Variants in C10orf143 observed in about 807,000 individuals in gnomAD.
The protein encoded by C10orf143 is chromosome 10 open reading frame 143, also known as uncharacterized protein C10orf143.
rs1246478444 is a variant in C10orf143 at position 130,065,585 on chromosome 10, T to G, written c.298-1202A>C. The G allele has an allele frequency of 6.6e-6, 1 of 152,196 alleles. No homozygotes were observed. Among genetic ancestry groups the G allele is most frequent in the Non-Finnish European group, 1.5e-5 (1 of 68,064 alleles). The allele number at this position is 152,196 out of a possible 1,614,324, so 9.4% of individuals were successfully genotyped here. A position where few individuals can be genotyped will look rare whatever the true frequency, so the allele number is the denominator to read the frequency against. ...GAAGGGCCCTGGATGCCATGGTGAA[T>G]ACAGGTGCTGCATTTACTCAACAGG... On this transcript the variant is annotated intron_variant, in intron 3 of 3. Coordinates refer to ENST00000637128, the MANE Select transcript of C10orf143 (RefSeq NM_001355042.2). This position sits in a 1 kb window ranked among gnomAD's most constrained non-coding sequence, Gnocchi z 4.2.
intron 1 of C10orf143, among the ~76,000 whole-genome samples, chr10:130,087,670 A>T (rs907179861): frequency 9.2e-5 from 14 of 152,188 alleles, no homozygotes; most frequent in African/African-American, 2.9e-4. Flanking sequence ...TATAAGGGAT[A>T]GGGGGTTGAA....
intron 3 of C10orf143, among the ~76,000 whole-genome samples, chr10:130,070,468 T>C (rs1861012575): frequency 6.6e-6 from 1 of 151,920 alleles, no homozygotes; most frequent in African/African-American, 2.4e-5. Flanking sequence ...GCTTAGCCAG[T>C]CATTTCTCTC....
intron 1 of C10orf143, chr10:130,104,830 C>T (rs976468003): frequency 1.3e-5 from 2 of 152,194 alleles, no homozygotes; most frequent in South Asian, 2.1e-4. Context: ...CAATAATGAC[C>T]TCTGGCTCCC....
chr10:130,069,364 T>A (rs1022983932), intron 3 of C10orf143, among the ~76,000 whole-genome samples: 1 of 152,150 alleles, frequency 6.6e-6, no homozygotes, highest in Non-Finnish European at 1.5e-5. Context: ...GATAGAGAAA[T>A]TAAGACATCC....
chr10:130,073,370 C>A (rs761273428), intron 3 of C10orf143, among the ~76,000 whole-genome samples: 1 of 152,160 alleles, frequency 6.6e-6, no homozygotes, highest in Non-Finnish European at 1.5e-5. Context: ...TTTCCAGTCC[C>A]CTTTTAGGGT....
Position 130,074,971 on chromosome 10 carries a change from C to G in C10orf143, c.297+4595G>C, listed in dbSNP as rs139371003. On this transcript the variant is annotated intron_variant, in intron 3 of 3. Coordinates refer to ENST00000637128, the MANE Select transcript of C10orf143 (RefSeq NM_001355042.2). Reference sequence around the variant, plus strand: ...CACTACATATGTACACAGACACACACATGCACACACACCATATATACCACA... The same window carrying G: ...CACTACATATGTACACAGACACACAGATGCACACACACCATATATACCACA... Among the ~76,000 whole-genome samples, 7 of 152,144 alleles carry G rather than the reference C, an allele frequency of 4.6e-5. No homozygotes were observed. The East Asian group carries it at 1.4e-3, about 29-fold the overall frequency.
chr10:130,101,737 G>A (rs1861553970), intron 1 of C10orf143, among the ~76,000 whole-genome samples: 1 of 150,786 alleles, frequency 6.6e-6, no homozygotes, highest in Non-Finnish European at 1.5e-5. Context: ...GCAAGCATCT[G>A]TAGTCCCAGC....
chr10:130,064,546 A>G (rs1360325834), intron 3 of C10orf143, among the ~76,000 whole-genome samples, 163 bp from the exon 4 acceptor site: 1 of 152,042 alleles, frequency 6.6e-6, no homozygotes, highest in Non-Finnish European at 1.5e-5. Flanking sequence ...ATATTAATAT[A>G]TATTACATTA....
chr10:130,049,571 G>A (rs1860714012), intron 3 of C10orf143, among the ~76,000 whole-genome samples: 1 of 152,200 alleles, frequency 6.6e-6, no homozygotes, highest in Non-Finnish European at 1.5e-5. Context: ...GGGGCTTGGG[G>A]ACCGGAGCCC....
intron 1 of C10orf143, chr10:130,106,047 T>C: frequency 1.8e-6 from 1 of 549,510 alleles, no homozygotes; most frequent in South Asian, 1.5e-5. Context: ...CTTGGCGCTA[T>C]GTTGGAGCCA....
At chr10:130,105,829 A>G (rs1363514760) in intron 1 of C10orf143, among the ~76,000 whole-genome samples, 1 of 152,164 alleles carries the variant, frequency 6.6e-6, no homozygotes, top group Non-Finnish European at 1.5e-5. Flanking sequence ...CGCGGGTCCA[A>G]CATGTGCTAC....
chr10:130,044,015 G>A (rs1438251696), intron 3 of C10orf143, among the ~76,000 whole-genome samples: 1 of 152,040 alleles, frequency 6.6e-6, no homozygotes, highest in Non-Finnish European at 1.5e-5. Flanking sequence ...GAGAGAGAGA[G>A]AGAAAGAGAG....
chr10:130,048,060 T>G (rs1267251821), intron 3 of C10orf143, among the ~76,000 whole-genome samples: 10 of 152,236 alleles, frequency 6.6e-5, no homozygotes. Context: ...ATCACAGGAC[T>G]TCATCCCAGT....
At chr10:130,093,615 A>G (rs980117763) in intron 1 of C10orf143, among the ~76,000 whole-genome samples, 7 of 152,190 alleles carry the variant, frequency 4.6e-5, no homozygotes, top group Non-Finnish European at 1.0e-4. Flanking sequence ...AAAAAAATCA[A>G]TGAATCCAGG....
chr10:130,069,009 G>A (rs931012690), intron 3 of C10orf143, among the ~76,000 whole-genome samples: 26 of 152,134 alleles, frequency 1.7e-4, no homozygotes, highest in Admixed American at 1.4e-3. Flanking sequence ...CAAAGACTTC[G>A]CAGATTTGAT....
chr10:130,098,909 A>G (rs1429309823), intron 1 of C10orf143, among the ~76,000 whole-genome samples: 1 of 152,110 alleles, frequency 6.6e-6, no homozygotes, highest in African/African-American at 2.4e-5. Flanking sequence ...AACATGGAGA[A>G]ACCCCATCTC....
In C10orf143 at chr10:130,101,858, AAAAAACC is replaced by A. The variant is rs753110598; in HGVS notation, c.69+8839_69+8845del. On this transcript the variant is annotated intron_variant, in intron 1 of 3. Coordinates refer to ENST00000637128, the MANE Select transcript of C10orf143 (RefSeq NM_001355042.2). ...GAGGGAGACTCTGTCTCAAAAAAAAAAAAAACCAAAAAAAAAAAAAAAAAAAACTTTT... is the reference window on the plus strand; with the variant it reads ...GAGGGAGACTCTGTCTCAAAAAAAAAAAAAAAAAAAAAAAAAAAAACTTTT... Among the ~76,000 whole-genome samples, 395 of 61,142 alleles carry A rather than the reference AAAAAACC, an allele frequency of 6.5e-3. 94 individuals carry two copies. The highest frequency in any genetic ancestry group is 0.02 in the East Asian group (12 of 590). The allele number at this position is 61,142 out of a possible 152,430, so 40.1% of individuals were successfully genotyped here.
At chr10:130,047,475 T>C (rs1860689841) in intron 3 of C10orf143, among the ~76,000 whole-genome samples, 1 of 152,210 alleles carries the variant, frequency 6.6e-6, no homozygotes, top group South Asian at 2.1e-4. Flanking sequence ...CCACCTTCCC[T>C]GAGGCTGCCT....
chr10:130,097,165 C>T (rs1393079560), intron 1 of C10orf143, among the ~76,000 whole-genome samples: 4 of 151,950 alleles, frequency 2.6e-5, no homozygotes, highest in African/African-American at 9.7e-5. Flanking sequence ...AAAGACAACA[C>T]AATTTTTTAA....
Sources: gnomAD v4.1 joint callset for allele counts (sites outside exome capture counted in the v4.1 genomes callset) on GRCh38, gnomAD v4.1.1 for gene constraint, Gnocchi (gnomAD v3.1) non-coding constraint, MANE v1.5 for transcripts, NCBI Gene and HGNC (gene_info 2026-07-23, HGNC 2026-07-21) for gene names.